NIM1K: variants seen among roughly 807,000 people sequenced by gnomAD.
NIM1K encodes the protein NIM1 serine/threonine protein kinase.
A neutral mutation model predicts 37.1 loss-of-function variants in NIM1K; 35 were observed. That is an observed-to-expected ratio of 0.94 (90% CI 0.72 to 1.25). The LOEUF (loss-of-function observed/expected upper bound fraction) is 1.25. NIM1K is among the 50% of genes most tolerant of loss of function. The pLI is 0.00. For synonymous variants in NIM1K, 234 were observed against 206.6 expected (o/e 1.13, Z -1.14); for missense variants, 564 against 548.0 (o/e 1.03, Z -0.29).
chr5:43,266,451 T>A (rs1305516203), intron 2 of NIM1K, among the ~76,000 whole-genome samples: 1 of 152,192 alleles, frequency 6.6e-6, no homozygotes, highest in Non-Finnish European at 1.5e-5. Context: ...TGGTGTGCCA[T>A]TTGCTAGGAC....
Position 43,260,838 on chromosome 5 carries a change from C to A in NIM1K, c.292+14771C>A, listed in dbSNP as rs369835559. Among the ~76,000 whole-genome samples the A allele has an allele frequency of 3.4e-4, 52 of 152,216 alleles. 1 individual carries two copies. The South Asian group carries it at 9.3e-3, about 27-fold the overall frequency. On this transcript the variant is annotated intron_variant, in intron 2 of 3. Transcript: ENST00000326035. Reference sequence around the variant, plus strand: ...AGGTGTTCTCATTGTTCAATTCCCACCTATGAGTGAGAACATTCGGTGTTT... The same window carrying A: ...AGGTGTTCTCATTGTTCAATTCCCAACTATGAGTGAGAACATTCGGTGTTT...
intron 2 of NIM1K, among the ~76,000 whole-genome samples, chr5:43,271,193 C>T (rs1476918953): frequency 6.6e-6 from 1 of 151,806 alleles, no homozygotes. Context: ...CTTCTTACTG[C>T]CCTTAATGTG....
chr5:43,199,682 C>G (rs1237077039), intron 1 of NIM1K, among the ~76,000 whole-genome samples: 6 of 152,162 alleles, frequency 3.9e-5, no homozygotes, highest in Non-Finnish European at 7.4e-5. Flanking sequence ...AGAGCTATCC[C>G]TATCTTTGAG....
At chr5:43,234,236 T>C (rs1752584005) in intron 1 of NIM1K, among the ~76,000 whole-genome samples, 1 of 84,656 alleles carries the variant, frequency 1.2e-5, no homozygotes, top group Non-Finnish European at 2.8e-5. Flanking sequence ...TCATGTCGTG[T>C]CATTCTTTCA....
chr5:43,235,001 C>T (rs905827403), intron 1 of NIM1K, among the ~76,000 whole-genome samples: 10 of 152,172 alleles, frequency 6.6e-5, no homozygotes, highest in African/African-American at 2.2e-4. Context: ...TGTTTGATCC[C>T]ATTCAAAGCT....
chr5:43,258,558 C>T (rs1169342797), intron 2 of NIM1K, among the ~76,000 whole-genome samples: 1 of 152,006 alleles, frequency 6.6e-6, no homozygotes, highest in Non-Finnish European at 1.5e-5. Context: ...CCTCCAACCT[C>T]AGCCTCTGGA....
chr5:43,246,170 C>T, intron 2 of NIM1K, 103 bp downstream of exon 2: 1 of 999,778 alleles, frequency 1.0e-6, no homozygotes, highest in South Asian at 1.7e-5. Flanking sequence ...GTGACCTCAG[C>T]AGAGCCCCTG....
At chr5:43,213,524 C>T (rs1467961075) in intron 1 of NIM1K, among the ~76,000 whole-genome samples, 9 of 150,796 alleles carry the variant, frequency 6.0e-5, no homozygotes, top group African/African-American at 9.8e-5. Context: ...GACGGAGTCT[C>T]GCTCTGTCAC....
chr5:43,234,041 C>A (rs746159015), intron 1 of NIM1K, among the ~76,000 whole-genome samples: 4 of 152,166 alleles, frequency 2.6e-5, no homozygotes, highest in Non-Finnish European at 5.9e-5. Flanking sequence ...TCATTCTCTA[C>A]CTCAGATCTT....
chr5:43,192,684 G>A (rs1029262838), intron 1 of NIM1K, among the ~76,000 whole-genome samples: 5 of 152,014 alleles, frequency 3.3e-5, no homozygotes, highest in Non-Finnish European at 5.9e-5. Flanking sequence ...GTGTGTGCCC[G>A]TGTCATGTGT....
intron 1 of NIM1K, among the ~76,000 whole-genome samples, chr5:43,231,145 C>A (rs1441946026): frequency 6.6e-6 from 1 of 152,094 alleles, no homozygotes; most frequent in African/African-American, 2.4e-5. Context: ...TAGTGAGACA[C>A]CATCTCTACA....
Position 43,279,401 on chromosome 5 carries a change from T to C in NIM1K, c.562-579T>C, listed in dbSNP as rs547402698. On this transcript the variant is annotated intron_variant, in intron 3 of 3. Transcript: ENST00000326035. ...CACAAAGCCATTTTCCAAGAGCCCT[T>C]GGGACTGAACAGGTCAAGGGTCCTC... Among the ~76,000 whole-genome samples, 4 of 152,286 alleles carry C rather than the reference T, an allele frequency of 2.6e-5. No homozygotes were observed. In the South Asian group the frequency reaches 8.3e-4, roughly 32 times the overall value.
intron 1 of NIM1K, among the ~76,000 whole-genome samples, chr5:43,225,984 G>A (rs1242360109): frequency 1.3e-5 from 2 of 152,200 alleles, no homozygotes; most frequent in Non-Finnish European, 2.9e-5. Flanking sequence ...GTCAGTGAGG[G>A]AAGCTTCCTG....
intron 1 of NIM1K, among the ~76,000 whole-genome samples, chr5:43,193,846 G>T (rs183577719): frequency 4.6e-5 from 7 of 152,270 alleles, no homozygotes; most frequent in Admixed American, 2.6e-4. Context: ...CTATTGAGAG[G>T]CTGTCTAGTT....
rs753434645 is a variant in NIM1K at position 43,280,114 on chromosome 5, G to A, written c.696G>A (p.Gly232=). Reference sequence around the variant, plus strand: ...GTGAAATGCTGAACACTTTCTGTGGGTCTCCTCCCTACGCTGCGCCTGAAC... The same window carrying A: ...GTGAAATGCTGAACACTTTCTGTGGATCTCCTCCCTACGCTGCGCCTGAAC... The part of the protein sequence containing the change: ...KKGEMLNTFC[G]SPPYAAPELF... The change falls in exon 4 of 4, where the codon GGG becomes GGA. Residue 232 remains glycine (G), a synonymous_variant. Coordinates refer to ENST00000326035, the MANE Select transcript of NIM1K (RefSeq NM_153361.4). 1.2e-6 allele frequency: 2 copies of A among 1,614,150 alleles called. No homozygotes were observed. The highest frequency in any genetic ancestry group is 2.7e-5 in the African/African-American group (2 of 75,030).
intron 1 of NIM1K, chr5:43,194,714 A>G (rs1436723345): frequency 6.6e-6 from 1 of 152,226 alleles, no homozygotes; most frequent in Non-Finnish European, 1.5e-5. Context: ...TCTAACATTG[A>G]TAGCATGTGA....
chr5:43,221,841 A>G (rs1411601272), intron 1 of NIM1K, among the ~76,000 whole-genome samples: 1 of 152,242 alleles, frequency 6.6e-6, no homozygotes, highest in Non-Finnish European at 1.5e-5. Context: ...CTGAACTTAG[A>G]ATATTTAAGC....
intron 2 of NIM1K, among the ~76,000 whole-genome samples, chr5:43,272,745 A>C (rs966221170): frequency 2.6e-5 from 4 of 152,074 alleles, no homozygotes; most frequent in Non-Finnish European, 5.9e-5. Context: ...AGTTGTTGAT[A>C]CTTAATAATT....
chr5:43,253,210 A>G (rs1234150841), intron 2 of NIM1K, among the ~76,000 whole-genome samples: 15 of 61,766 alleles, frequency 2.4e-4, no homozygotes, highest in South Asian at 7.5e-4. Context: ...ATAATATAAT[A>G]TATGTGTGTG....
Sources: allele counts gnomAD v4.1 joint callset (sites outside exome capture counted in the v4.1 genomes callset), GRCh38; gene constraint gnomAD v4.1.1; transcripts MANE v1.5; gene names NCBI Gene and HGNC (gene_info 2026-07-23, HGNC 2026-07-21).